The following CAB39 variants were observed in gnomAD, a reference collection of about 807,000 sequenced individuals.
The protein encoded by CAB39 is calcium binding protein 39.
In CAB39, 8 loss-of-function variants were observed where a neutral mutation model predicts 40.0. That is an observed-to-expected ratio of 0.20 (90% CI 0.12 to 0.36). The LOEUF is 0.36. CAB39 is among the 10% of genes least tolerant of loss of function. The pLI, the probability that CAB39 is intolerant of heterozygous loss-of-function variation, is 1.00. For missense variants in CAB39, 270 were observed against 401.1 expected (o/e 0.67, Z 2.79); for synonymous variants, 156 against 141.6 (o/e 1.10, Z -0.72).
intron 2 of CAB39, among the ~76,000 whole-genome samples, chr2:230,787,440 A>C (rs1695813128): frequency 6.6e-6 from 1 of 152,216 alleles, no homozygotes; most frequent in South Asian, 2.1e-4. Flanking sequence ...ATCCAGAGTT[A>C]CTGCCATAAT....
chr2:230,753,414 A>G (rs1278116021), intron 1 of CAB39, among the ~76,000 whole-genome samples: 1 of 152,196 alleles, frequency 6.6e-6, no homozygotes, highest in African/African-American at 2.4e-5. Context: ...TCCCAGTCAC[A>G]TTAATACTTT....
Position 230,809,877 on chromosome 2 carries a change from G to A in CAB39, c.568-386G>A, listed in dbSNP as rs182431210. On this transcript the variant is annotated intron_variant, in intron 5 of 8. Coordinates refer to ENST00000258418, the MANE Select transcript of CAB39 (RefSeq NM_016289.4). ...TCTCCACCGGGAGCGCTAAGTGGGC[G>A]TGGAATTGTTTGACAGTTTACCACT... is the stretch of plus-strand genomic sequence containing the variant. 7.2e-5 allele frequency among the ~76,000 whole-genome samples: 11 copies of A among 152,106 alleles called. 1 individual carries two copies. The highest frequency in any genetic ancestry group is 1.0e-4 in the Non-Finnish European group (7 of 68,010).
At chr2:230,776,848 C>T (rs959973946) in intron 2 of CAB39, among the ~76,000 whole-genome samples, 11 of 152,074 alleles carry the variant, frequency 7.2e-5, no homozygotes, top group Non-Finnish European at 1.3e-4. Flanking sequence ...CTGCCACGCC[C>T]GGCTAATTTT....
At chr2:230,794,960 G>A (rs895069032) in intron 4 of CAB39, among the ~76,000 whole-genome samples, 6 of 152,068 alleles carry the variant, frequency 3.9e-5, no homozygotes, top group Non-Finnish European at 8.8e-5. Context: ...CACAAAAATG[G>A]CATTTTACAG....
intron 8 of CAB39, 36 bp from the exon 9 acceptor site, chr2:230,818,480 T>G (rs1262461530): frequency 6.3e-7 from 1 of 1,589,994 alleles, no homozygotes; most frequent in South Asian, 1.1e-5. Flanking sequence ...CGTTTTGTCC[T>G]TTCTCTGTGC....
At chr2:230,778,051 A>G (rs973447352) in intron 2 of CAB39, among the ~76,000 whole-genome samples, 1 of 152,180 alleles carries the variant, frequency 6.6e-6, no homozygotes, top group African/African-American at 2.4e-5. Context: ...TCCTTTTAAG[A>G]TTGTTACTAT....
At chr2:230,754,421 C>G (rs1251182883) in intron 1 of CAB39, among the ~76,000 whole-genome samples, 4 of 140,362 alleles carry the variant, frequency 2.8e-5, no homozygotes, top group Admixed American at 7.2e-5. Flanking sequence ...CTTCCCCTTT[C>G]CCTCCTTCTT....
At chr2:230,715,939 A>G (rs1014702383) in intron 1 of CAB39, among the ~76,000 whole-genome samples, 3 of 152,140 alleles carry the variant, frequency 2.0e-5, no homozygotes, top group Non-Finnish European at 4.4e-5. Context: ...GGCTCAAGTA[A>G]TCTCGCCTTG....
At chr2:230,799,662 A>G (rs908899332) in intron 5 of CAB39, among the ~76,000 whole-genome samples, 1 of 152,234 alleles carries the variant, frequency 6.6e-6, no homozygotes, top group African/African-American at 2.4e-5. Flanking sequence ...TAAATTGCCT[A>G]ACCTTATGAA....
chr2:230,717,099 AC>A (rs1694363953), intron 1 of CAB39, among the ~76,000 whole-genome samples: 1 of 152,198 alleles, frequency 6.6e-6, no homozygotes, highest in Non-Finnish European at 1.5e-5. Context: ...GAACGTCTTT[AC>A]ATGTTACAGA....
intron 1 of CAB39, among the ~76,000 whole-genome samples, chr2:230,723,845 C>G (rs143479428): frequency 1.3e-5 from 2 of 152,338 alleles, no homozygotes; most frequent in African/African-American, 4.8e-5. Flanking sequence ...AGGTGTTTCT[C>G]AGTTTGTTTC....
chr2:230,715,142 T>G (rs1304995904), intron 1 of CAB39, among the ~76,000 whole-genome samples: 1 of 152,214 alleles, frequency 6.6e-6, no homozygotes, highest in Admixed American at 6.5e-5. Flanking sequence ...CACACACACA[T>G]CTCTTATTAA....
chr2:230,808,321 A>T (rs1022065271), intron 5 of CAB39, among the ~76,000 whole-genome samples: 6 of 152,212 alleles, frequency 3.9e-5, no homozygotes, highest in Non-Finnish European at 8.8e-5. Flanking sequence ...ACCTCAGGTG[A>T]TCCACCCACC....
chr2:230,736,540 G>A (rs912880796), intron 1 of CAB39, among the ~76,000 whole-genome samples: 4 of 152,112 alleles, frequency 2.6e-5, no homozygotes, highest in African/African-American at 9.7e-5. Flanking sequence ...TGAGTAGCCA[G>A]AACAAAGAAA....
intron 2 of CAB39, among the ~76,000 whole-genome samples, chr2:230,765,892 C>A (rs16827545): frequency 1.2e-4 from 19 of 152,126 alleles, no homozygotes; most frequent in Middle Eastern, 3.4e-3. Flanking sequence ...ATAGACATTT[C>A]GCTATTAGGA....
At chr2:230,751,158 G>A (rs1695078614) in intron 1 of CAB39, among the ~76,000 whole-genome samples, 1 of 152,214 alleles carries the variant, frequency 6.6e-6, no homozygotes, top group Admixed American at 6.5e-5. Context: ...AATCCTTGTA[G>A]GCAACTATCT....
At chr2:230,717,605 A>G (rs1264088051) in intron 1 of CAB39, among the ~76,000 whole-genome samples, 1 of 152,238 alleles carries the variant, frequency 6.6e-6, no homozygotes, top group African/African-American at 2.4e-5. Context: ...TAAAATGATC[A>G]GTGTTCTGCC....
In CAB39 at chr2:230,743,916, CT is replaced by C. The variant is rs1184035557; in HGVS notation, c.-43-16022del. ...AGTCACAGAGCTCTGATACATGATA[CT>C]TTTTTTTTTTTTTTTTTTTTAAGAT... On this transcript the variant is annotated intron_variant, in intron 1 of 8. Transcript: ENST00000258418. Among the ~76,000 whole-genome samples, 1,245 of 127,696 alleles carry C rather than the reference CT, an allele frequency of 9.7e-3. 14 individuals carry two copies. The highest frequency in any genetic ancestry group is 0.043 in the Admixed American group (537 of 12,530). 83.8% of individuals were successfully genotyped at this position (127,696 alleles called of 152,430 possible).
intron 1 of CAB39, among the ~76,000 whole-genome samples, chr2:230,744,547 C>T (rs1694940413): frequency 6.6e-6 from 1 of 152,216 alleles, no homozygotes; most frequent in African/African-American, 2.4e-5. Context: ...TCACCTTGGC[C>T]TCCCAAAGTG....
Sources: allele counts gnomAD v4.1 joint callset (sites outside exome capture counted in the v4.1 genomes callset), GRCh38; gene constraint gnomAD v4.1.1; transcripts MANE v1.5; gene names NCBI Gene and HGNC (gene_info 2026-07-23, HGNC 2026-07-21).